QPCT: variants seen among roughly 807,000 people sequenced by gnomAD.
The protein encoded by QPCT is glutaminyl-peptide cyclotransferase.
QPCT carries 44 observed loss-of-function variants against 43.4 expected under a neutral mutation model. That is an observed-to-expected ratio of 1.01 (90% CI 0.80 to 1.30). The LOEUF (loss-of-function observed/expected upper bound fraction) is 1.30, where lower values mean the gene tolerates loss of function less well. Ranked by LOEUF, QPCT falls within the 50% of genes most tolerant of loss-of-function variation. The pLI is 0.00. For missense variants in QPCT, 526 were observed against 436.5 expected (o/e 1.21, Z -1.83); for synonymous variants, 168 against 168.4 (o/e 1.00, Z 0.02).
intron 2 of QPCT, among the ~76,000 whole-genome samples, chr2:37,354,319 C>T (rs1385718338): frequency 6.6e-6 from 1 of 152,212 alleles, no homozygotes; most frequent in Non-Finnish European, 1.5e-5. Context: ...CACCTTAGTT[C>T]TGTCTAACCT....
At position 37,368,757 on chromosome 2, in the gene QPCT, G is replaced by GA. The variant is rs1194124490; in HGVS notation, c.724-928_724-927insA. ...CCTGGTTGATCAGCAGTAGAACAAA[G>GA]TTATTTATTTATCAGTCCAAATATA... On this transcript the variant is annotated intron_variant, in intron 4 of 6. Transcript: ENST00000338415. The GA allele has an allele frequency of 4.7e-4, 219 of 464,184 alleles. 1 individual carries two copies. Among genetic ancestry groups the GA allele is most frequent in the South Asian group, 2.7e-3 (175 of 63,668 alleles). The allele number at this position is 464,184 out of a possible 1,614,324, so 28.8% of individuals were successfully genotyped here.
At chr2:37,349,919 T>A (rs2124931777) in intron 1 of QPCT, among the ~76,000 whole-genome samples, 1 of 152,338 alleles carries the variant, frequency 6.6e-6, no homozygotes, top group African/African-American at 2.4e-5. Flanking sequence ...ATTGCTTTTT[T>A]GATTAATTTC....
In QPCT at chr2:37,359,672, C is replaced by A. The variant is rs770347978; in HGVS notation, c.360C>A (p.Phe120Leu). ...AGACACCCTATGGGTACCGGTCTTT[C>A]TCAAATATCATCAGCACCCTCAATC... ...LSQTPYGYRS[F>L]SNIISTLNPT... The change falls in exon 3 of 7, where the codon TTC becomes TTA. Residue 120 changes from phenylalanine to leucine, a missense_variant. Phe to Leu is a conservative substitution (Grantham distance 22). Coordinates refer to ENST00000338415, the MANE Select transcript of QPCT (RefSeq NM_012413.4). 1 of 1,614,124 alleles carries A rather than the reference C, an allele frequency of 6.2e-7. No individual in the cohort carries two copies. The highest frequency in any genetic ancestry group is 8.5e-7 in the Non-Finnish European group (1 of 1,179,988).
rs115355165 is a variant in QPCT, at chr2:37,359,764, A to G, written c.452A>G (p.Asn151Ser). 3.8e-4 allele frequency: 618 copies of G among 1,614,152 alleles called. 2 individuals are homozygous for G. The African/African-American group carries it at 7.1e-3, about 19-fold the overall frequency. The change falls in exon 3 of 7, where the codon AAC (asparagine) becomes AGC (serine). Residue 151 changes from asparagine to serine, a missense_variant. Asn to Ser is a conservative substitution (Grantham distance 46, BLOSUM62 1). Coordinates refer to ENST00000338415, the MANE Select transcript of QPCT (RefSeq NM_012413.4). ...YDSKYFSHWNNRVFVGATDSA... is the reference protein window; with the variant it reads ...YDSKYFSHWNSRVFVGATDSA... Reference sequence around the variant, plus strand: ...TCCAAGTATTTTTCCCACTGGAACAACAGAGTGTTTGTAGGAGCCACTGAT... The same window carrying G: ...TCCAAGTATTTTTCCCACTGGAACAGCAGAGTGTTTGTAGGAGCCACTGAT...
intron 1 of QPCT, among the ~76,000 whole-genome samples, chr2:37,346,170 G>C (rs1390365174): frequency 2.6e-5 from 4 of 152,154 alleles, no homozygotes; most frequent in Non-Finnish European, 5.9e-5. Flanking sequence ...CAATTCTTCG[G>C]ATCTAATGTA....
At chr2:37,349,430 C>A in intron 1 of QPCT, among the ~76,000 whole-genome samples, 1 of 152,056 alleles carries the variant, frequency 6.6e-6, no homozygotes, top group Admixed American at 6.6e-5. Flanking sequence ...GGGGAGGGGG[C>A]ATTTATTTTG....
intron 2 of QPCT, among the ~76,000 whole-genome samples, chr2:37,357,336 T>C (rs2124935961): frequency 6.6e-6 from 1 of 151,478 alleles, no homozygotes; most frequent in African/African-American, 2.4e-5. Context: ...TTTTACAGTC[T>C]AGGGATAACT....
At chr2:37,357,892 A>G (rs1014532934) in intron 2 of QPCT, among the ~76,000 whole-genome samples, 3 of 152,130 alleles carry the variant, frequency 2.0e-5, no homozygotes, top group African/African-American at 7.2e-5. Context: ...GGAAAAAAAA[A>G]ATAAAAGCCC....
intron 5 of QPCT, among the ~76,000 whole-genome samples, chr2:37,372,153 T>C (rs559338086): frequency 1.3e-5 from 2 of 152,292 alleles, no homozygotes; most frequent in South Asian, 4.1e-4. Context: ...ATTTGACTCT[T>C]CTCTCTTCCT....
At chr2:37,345,192 C>T (rs1414573955) in intron 1 of QPCT, among the ~76,000 whole-genome samples, 1 of 152,196 alleles carries the variant, frequency 6.6e-6, no homozygotes, top group African/African-American at 2.4e-5. Context: ...GGCGCCACCC[C>T]CCACTCGGGA....
At chr2:37,371,431 C>CAAAAAAAAA (rs3050580) in intron 5 of QPCT, among the ~76,000 whole-genome samples, 13 of 69,336 alleles carry the variant, frequency 1.9e-4, no homozygotes, top group Non-Finnish European at 2.7e-4. Context: ...GACTCCATCT[C>CAAAAAAAAA]AAAAAAAAAA....
intron 1 of QPCT, among the ~76,000 whole-genome samples, chr2:37,349,087 T>C (rs1184682956): frequency 1.3e-5 from 2 of 152,248 alleles, no homozygotes; most frequent in Admixed American, 1.3e-4. Flanking sequence ...AGGGCTTTAA[T>C]GAATAGAAGG....
At chr2:37,348,942 C>G (rs1672564533) in intron 1 of QPCT, among the ~76,000 whole-genome samples, 1 of 152,208 alleles carries the variant, frequency 6.6e-6, no homozygotes, top group South Asian at 2.1e-4. Context: ...CTCGCTCTTT[C>G]TTTCCAGCTT....
chr2:37,354,407 T>A (rs1238370851), intron 2 of QPCT, among the ~76,000 whole-genome samples: 1 of 152,210 alleles, frequency 6.6e-6, no homozygotes, highest in East Asian at 1.9e-4. Flanking sequence ...CTTTACTGAG[T>A]TCTTTGCATA....
At position 37,351,437 on chromosome 2, in the gene QPCT, A is replaced by C. The variant is rs560489977; in HGVS notation, c.121-1352A>C. ...TACAGTATGTGTGAAGTCATCCAAA[A>C]TACAAATTTGAATGTTATGTGAACT... On this transcript the variant is annotated intron_variant, in intron 1 of 6. Coordinates refer to ENST00000338415, the MANE Select transcript of QPCT (RefSeq NM_012413.4). Among the ~76,000 whole-genome samples, 110 of 152,366 alleles carry C rather than the reference A, an allele frequency of 7.2e-4. 1 individual carries two copies. The highest frequency in any genetic ancestry group is 2.5e-3 in the African/African-American group (102 of 41,594).
chr2:37,366,100 T>C (rs11903018), intron 3 of QPCT, among the ~76,000 whole-genome samples: 27,796 of 152,074 alleles, frequency 0.18, 2,764 homozygotes, highest in Non-Finnish European at 0.23. Context: ...AAGCCAAATA[T>C]AGAGTGAAGT....
At position 37,372,548 on chromosome 2, in the gene QPCT, A is replaced by G. The variant is rs150695209; in HGVS notation, c.940+76A>G. 615 of 1,470,704 alleles carry G rather than the reference A, an allele frequency of 4.2e-4. 3 individuals are homozygous for G. The African/African-American group carries it at 7.5e-3, about 18-fold the overall frequency. The allele number at this position is 1,470,704 out of a possible 1,614,324, so 91.1% of individuals were successfully genotyped here. A position where few individuals can be genotyped will look rare whatever the true frequency, so the allele number is the denominator to read the frequency against. On this transcript the variant is annotated intron_variant, in intron 6 of 6. Coordinates refer to ENST00000338415, the MANE Select transcript of QPCT (RefSeq NM_012413.4). ...TTTTGGAGTACAACGGTGGGATATG[A>G]GAAAGTACACAGATGATGATGAATT...
At chr2:37,347,623 C>G (rs1037826867) in intron 1 of QPCT, among the ~76,000 whole-genome samples, 5 of 152,122 alleles carry the variant, frequency 3.3e-5, no homozygotes, top group Admixed American at 3.3e-4. Context: ...TTTCCTTGAT[C>G]TCCTTCATGC....
At chr2:37,362,242 G>A (rs1476478136) in intron 3 of QPCT, among the ~76,000 whole-genome samples, 1 of 152,136 alleles carries the variant, frequency 6.6e-6, no homozygotes, top group Non-Finnish European at 1.5e-5. Flanking sequence ...GTCCCGTTCT[G>A]CCCTCTTGTT....
Sources: allele counts gnomAD v4.1 joint callset (sites outside exome capture counted in the v4.1 genomes callset), GRCh38; gene constraint gnomAD v4.1.1; transcripts MANE v1.5; gene names NCBI Gene and HGNC (gene_info 2026-07-23, HGNC 2026-07-21).